Variants in PDE4D observed in about 807,000 individuals in gnomAD.
PDE4D encodes the protein 3',5'-cyclic-AMP phosphodiesterase 4D.
A neutral mutation model predicts 87.4 loss-of-function variants in PDE4D; 24 were observed. That is an observed-to-expected ratio of 0.27 (90% CI 0.20 to 0.39). PDE4D has a LOEUF of 0.39. PDE4D is among the 10% of genes least tolerant of loss of function. The pLI is 1.00. For synonymous variants in PDE4D, 384 were observed against 383.2 expected, an observed-to-expected ratio of 1.00 and a Z score of -0.02; for missense variants, 714 against 1,041.0, an observed-to-expected ratio of 0.69 and a Z score of 4.32.
At chr5:59,028,658 G>A (rs191191184) in intron 6 of PDE4D, among the ~76,000 whole-genome samples, 10 of 151,746 alleles carry the variant, frequency 6.6e-5, no homozygotes, top group Admixed American at 5.9e-4. Context: ...CTAAATCCAC[G>A]GACCATTCTG....
rs940817256 is a variant in PDE4D at position 59,964,430 on chromosome 5, T to C, written c.272+24058A>G. 5.3e-5 allele frequency among the ~76,000 whole-genome samples: 8 copies of C among 152,264 alleles called. No homozygotes were observed. The South Asian group carries it at 8.3e-4, about 16-fold the overall frequency. On this transcript the variant is annotated intron_variant, in intron 3 of 16. Coordinates refer to the PDE4D transcript ENST00000502484. ...CTTCACTGCTAGGCAGTTGTGAAGTTTGGCTCTCTTCTTTAACAATACCCA... is the reference window on the plus strand; with the variant it reads ...CTTCACTGCTAGGCAGTTGTGAAGTCTGGCTCTCTTCTTTAACAATACCCA...
Position 59,065,065 on chromosome 5 carries a change from TATACACACAC to T in PDE4D, c.809-26104_809-26095del, listed in dbSNP as rs1223902431. On this transcript the variant is annotated intron_variant, in intron 5 of 14. Transcript: ENST00000340635. Reference sequence around the variant, plus strand: ...ATGGACAAAGGAAATGTGATATATATATACACACACACACACACACACACACACACACACA... The same window carrying T: ...ATGGACAAAGGAAATGTGATATATATACACACACACACACACACACACACA... 7.0e-3 allele frequency among the ~76,000 whole-genome samples: 74 copies of T among 10,520 alleles called. 2 individuals carry two copies. In the South Asian group the frequency reaches 0.076, roughly 11 times the overall value. The allele number at this position is 10,520 out of a possible 152,430, so 6.9% of individuals were successfully genotyped here.
chr5:60,038,434 T>C lies in PDE4D; in HGVS notation c.43-49717A>G, dbSNP rs1179340398. On this transcript the variant is annotated intron_variant, in intron 2 of 16. Transcript: ENST00000502484. ...AGGTTCGTCAAAGATCAGATAGTTG[T>C]AGATATGCGGCGTTATTTCTGAGGG... Among the ~76,000 whole-genome samples, 6 of 152,290 alleles carry C rather than the reference T, an allele frequency of 3.9e-5. No homozygotes were observed. The East Asian group carries it at 1.2e-3, about 29-fold the overall frequency.
chr5:60,220,558 C>A (rs2149595371), intron 1 of PDE4D, among the ~76,000 whole-genome samples: 1 of 152,208 alleles, frequency 6.6e-6, no homozygotes, highest in Middle Eastern at 3.4e-3. Flanking sequence ...TCAGGTGATC[C>A]TATTGTGCAG....
rs76908855 is a variant in PDE4D, at chr5:59,213,095, T to C, written c.647+2682A>G. ...TCCATCTCTAAATTTACATTTCCCT[T>C]CTTTTACTCTTCTTCTCCTTCTCCT... On this transcript the variant is annotated intron_variant, in intron 2 of 14. Transcript: ENST00000340635. Among the ~76,000 whole-genome samples, 798 of 151,254 alleles carry C rather than the reference T, an allele frequency of 5.3e-3. 9 individuals carry two copies. Among genetic ancestry groups the C allele is most frequent in the East Asian group, 0.053 (263 of 4,996 alleles).
intron 1 of PDE4D, among the ~76,000 whole-genome samples, chr5:60,298,743 A>T (rs1403955931): frequency 6.6e-6 from 1 of 152,218 alleles, no homozygotes; most frequent in African/African-American, 2.4e-5. Flanking sequence ...AATGAGGATG[A>T]TTAACATCCA....
chr5:60,290,577 G>A (rs1317601037), intron 1 of PDE4D, among the ~76,000 whole-genome samples: 2 of 152,148 alleles, frequency 1.3e-5, no homozygotes, highest in Non-Finnish European at 2.9e-5. Context: ...GCCGAGGTGG[G>A]CAGATTGCTT....
chr5:59,193,474 C>G, intron 3 of PDE4D, 26 bp downstream of exon 3: 1 of 1,607,742 alleles, frequency 6.2e-7, no homozygotes, highest in Non-Finnish European at 8.5e-7. Context: ...TGTGAGAAAC[C>G]TGCCCATTCA....
intron 1 of PDE4D, chr5:59,275,407 A>G (rs1337301091): frequency 7.5e-6 from 12 of 1,592,262 alleles, no homozygotes; most frequent in Non-Finnish European, 1.0e-5. Context: ...GCTCATTTTG[A>G]AAAAAAATAA....
chr5:59,765,193 T>C (rs1004124422), intron 1 of PDE4D, among the ~76,000 whole-genome samples: 1 of 152,146 alleles, frequency 6.6e-6, no homozygotes, highest in Admixed American at 6.5e-5. Context: ...AGATCTTGGA[T>C]CCATGGATGA....
intron 5 of PDE4D, among the ~76,000 whole-genome samples, chr5:59,142,068 AAATGAATG>A (rs1242387298): frequency 2.0e-5 from 3 of 152,198 alleles, no homozygotes; most frequent in Admixed American, 6.5e-5. Flanking sequence ...AAACTCAGGT[AAATGAATG>A]AATGAATGAA....
intron 1 of PDE4D, among the ~76,000 whole-genome samples, chr5:60,265,165 AGG>A (rs1750059191): frequency 6.6e-6 from 1 of 152,156 alleles, no homozygotes; most frequent in Admixed American, 6.5e-5. Flanking sequence ...ACCTTAACAG[AGG>A]AGATTAATAG....
chr5:59,802,599 A>G (rs866241687), intron 1 of PDE4D, among the ~76,000 whole-genome samples: 1 of 151,982 alleles, frequency 6.6e-6, no homozygotes, highest in Non-Finnish European at 1.5e-5. Flanking sequence ...GGGTTTCACC[A>G]TGTTAGCCAG....
At chr5:59,451,018 T>C (rs1799074700) in intron 1 of PDE4D, among the ~76,000 whole-genome samples, 1 of 152,220 alleles carries the variant, frequency 6.6e-6, no homozygotes, top group Non-Finnish European at 1.5e-5. Flanking sequence ...TGAAATAATT[T>C]TGTTTATATT....
At chr5:59,576,129 T>C (rs908725922) in intron 1 of PDE4D, among the ~76,000 whole-genome samples, 1 of 152,164 alleles carries the variant, frequency 6.6e-6, no homozygotes, top group Non-Finnish European at 1.5e-5. Context: ...ATTTATTGGA[T>C]ACTTACTGAG....
At chr5:60,156,580 C>T (rs1781995098) in intron 2 of PDE4D, among the ~76,000 whole-genome samples, 1 of 152,038 alleles carries the variant, frequency 6.6e-6, no homozygotes, top group Non-Finnish European at 1.5e-5. Context: ...TAGTATAATA[C>T]AAAATCAGTT....
chr5:59,144,898 G>C (rs867007267), intron 5 of PDE4D, among the ~76,000 whole-genome samples: 29 of 143,546 alleles, frequency 2.0e-4, no homozygotes, highest in South Asian at 1.1e-3. Flanking sequence ...AATGGGGGGG[G>C]GGGGGGGAAC....
At chr5:59,063,934 A>G (rs944464339) in intron 5 of PDE4D, among the ~76,000 whole-genome samples, 1 of 152,174 alleles carries the variant, frequency 6.6e-6, no homozygotes, top group African/African-American at 2.4e-5. Flanking sequence ...GTACAGAAAT[A>G]TACAGAGAGC....
At chr5:60,085,283 G>A (rs1390922759) in intron 2 of PDE4D, among the ~76,000 whole-genome samples, 2 of 152,132 alleles carry the variant, frequency 1.3e-5, no homozygotes, top group East Asian at 1.9e-4. Context: ...GGAATATATA[G>A]AGGGAATATA....
Sources: allele counts gnomAD v4.1 joint callset (sites outside exome capture counted in the v4.1 genomes callset), GRCh38; gene constraint gnomAD v4.1.1; transcripts MANE v1.5; gene names NCBI Gene and HGNC (gene_info 2026-07-23, HGNC 2026-07-21).